Variants in TEAD1 observed in about 807,000 individuals in gnomAD.
The protein encoded by TEAD1 is TEA domain transcription factor 1.
In TEAD1, 9 loss-of-function variants were observed where a neutral mutation model predicts 54.9. The ratio of observed to expected loss-of-function variants is 0.16; its 90% confidence interval spans 0.10 to 0.29. TEAD1 has a LOEUF of 0.29. TEAD1 is among the 10% of genes least tolerant of loss of function. The pLI is 1.00. For synonymous variants in TEAD1, 200 were observed against 187.8 expected, an observed-to-expected ratio of 1.07 and a Z score of -0.53; for missense variants, 387 against 535.9, an observed-to-expected ratio of 0.72 and a Z score of 2.74.
intron 5 of TEAD1, among the ~76,000 whole-genome samples, chr11:12,868,906 G>A (rs1947681753): frequency 6.6e-6 from 1 of 152,236 alleles, no homozygotes; most frequent in Non-Finnish European, 1.5e-5. Context: ...AAATTAAACA[G>A]GATAGTGCAG....
chr11:12,905,665 A>G (rs1384825063), intron 10 of TEAD1, among the ~76,000 whole-genome samples: 1 of 152,204 alleles, frequency 6.6e-6, no homozygotes, highest in Non-Finnish European at 1.5e-5. Flanking sequence ...ACTCCCTTCG[A>G]AATATCTTTT....
At chr11:12,836,332 A>C (rs889650081) in intron 3 of TEAD1, among the ~76,000 whole-genome samples, 3 of 151,618 alleles carry the variant, frequency 2.0e-5, no homozygotes, top group Non-Finnish European at 4.4e-5. Context: ...AGGCAGGAGA[A>C]TGGCGTGAAC....
At chr11:12,862,424 C>T in intron 4 of TEAD1, 110 bp downstream of exon 4, 1 of 884,268 alleles carries the variant, frequency 1.1e-6, no homozygotes, top group Non-Finnish European at 1.9e-6. Flanking sequence ...ATTTGAGTTC[C>T]CTGTAAGGAC....
chr11:12,864,615 C>CG, intron 4 of TEAD1: 1 of 911,152 alleles, frequency 1.1e-6, no homozygotes, highest in South Asian at 2.0e-5. Context: ...ATTTGATTTC[C>CG]TTTTTTGTTT....
At chr11:12,688,221 G>A (rs1377584668) in intron 2 of TEAD1, among the ~76,000 whole-genome samples, 1 of 152,090 alleles carries the variant, frequency 6.6e-6, no homozygotes, top group Non-Finnish European at 1.5e-5. Context: ...AGTGATGGGG[G>A]CAGCTGGCAG....
intron 2 of TEAD1, among the ~76,000 whole-genome samples, chr11:12,724,155 C>A (rs537575261): frequency 6.6e-6 from 1 of 152,176 alleles, no homozygotes; most frequent in East Asian, 1.9e-4. Context: ...TGAGGCCACA[C>A]TGTCCCCTCC....
chr11:12,831,691 A>T (rs562929787), intron 3 of TEAD1, among the ~76,000 whole-genome samples: 1 of 151,202 alleles, frequency 6.6e-6, no homozygotes, highest in Non-Finnish European at 1.5e-5. Flanking sequence ...AGGTGGGAGG[A>T]TTACTTGAGC....
In TEAD1 at chr11:12,709,359, C is replaced by A. The variant is rs551882153; in HGVS notation, c.-55+33798C>A. On this transcript the variant is annotated intron_variant, in intron 2 of 12. Transcript: ENST00000527636. ...TCTCAAAAAAAATAAAAAAAAAAAA[C>A]CAGAATAATTTGATGTTTACTTTTT... Among the ~76,000 whole-genome samples the A allele has an allele frequency of 1.3e-4, 20 of 151,604 alleles. No homozygotes were observed. In the East Asian group the frequency reaches 2.1e-3, roughly 16 times the overall value.
intron 3 of TEAD1, among the ~76,000 whole-genome samples, chr11:12,805,731 G>A (rs558729855): frequency 6.6e-6 from 1 of 152,296 alleles, no homozygotes; most frequent in Non-Finnish European, 1.5e-5. Context: ...ACAGAATCAT[G>A]TGTGTGATTA....
At chr11:12,822,301 A>AC (rs1275531166) in intron 3 of TEAD1, 1 of 152,172 alleles carries the variant, frequency 6.6e-6, no homozygotes, top group African/African-American at 2.4e-5. Context: ...TTTCTCAAAT[A>AC]CTGGTCCTCT....
At chr11:12,790,967 A>G (rs1396671299) in intron 3 of TEAD1, among the ~76,000 whole-genome samples, 1 of 152,254 alleles carries the variant, frequency 6.6e-6, no homozygotes, top group Admixed American at 6.5e-5. Flanking sequence ...TCAAAATGTT[A>G]AACGTAGAGC....
chr11:12,887,582 G>A (rs1948116509), intron 9 of TEAD1, among the ~76,000 whole-genome samples: 2 of 152,178 alleles, frequency 1.3e-5, no homozygotes, highest in South Asian at 4.1e-4. Flanking sequence ...TGCTTTATTG[G>A]ACAAACACAA....
intron 3 of TEAD1, among the ~76,000 whole-genome samples, chr11:12,781,967 A>AG (rs1564937705): frequency 7.0e-6 from 1 of 142,892 alleles, no homozygotes; most frequent in Non-Finnish European, 1.5e-5. Context: ...AAAAAAAAAA[A>AG]AAAAGAAAGA....
intron 3 of TEAD1, among the ~76,000 whole-genome samples, chr11:12,777,470 C>G (rs936780192): frequency 8.5e-5 from 13 of 152,178 alleles, no homozygotes; most frequent in African/African-American, 2.9e-4. Context: ...CTATTACAAA[C>G]ACAGTAGCTT....
chr11:12,863,280 G>A (rs1274300045), intron 4 of TEAD1, among the ~76,000 whole-genome samples: 1 of 152,176 alleles, frequency 6.6e-6, no homozygotes, highest in Non-Finnish European at 1.5e-5. Context: ...CAGCCTGGGA[G>A]CCTGGCTGCT....
intron 3 of TEAD1, among the ~76,000 whole-genome samples, chr11:12,843,465 A>G (rs1947081289): frequency 6.6e-6 from 1 of 152,242 alleles, no homozygotes; most frequent in Non-Finnish European, 1.5e-5. Flanking sequence ...CTACGAAGTA[A>G]GTAATTACAA....
chr11:12,889,439 G>C (rs1368636947), intron 9 of TEAD1, among the ~76,000 whole-genome samples: 1 of 152,200 alleles, frequency 6.6e-6, no homozygotes, highest in Non-Finnish European at 1.5e-5. Flanking sequence ...TGCCTGCTCA[G>C]ACTGCCCGGT....
chr11:12,843,658 A>C (rs1947085291), intron 3 of TEAD1, among the ~76,000 whole-genome samples: 2 of 152,156 alleles, frequency 1.3e-5, no homozygotes, highest in Admixed American at 1.3e-4. Flanking sequence ...TTGGTTGTTT[A>C]TTTTGTTTTA....
chr11:12,789,957 G>C (rs530280970), intron 3 of TEAD1, among the ~76,000 whole-genome samples: 1 of 152,382 alleles, frequency 6.6e-6, no homozygotes, highest in East Asian at 1.9e-4. Flanking sequence ...GGCCAGGGCT[G>C]CTTGAGTCCT....
Sources: allele counts gnomAD v4.1 joint callset (sites outside exome capture counted in the v4.1 genomes callset), GRCh38; gene constraint gnomAD v4.1.1; transcripts MANE v1.5; gene names NCBI Gene and HGNC (gene_info 2026-07-23, HGNC 2026-07-21).